The following FRMPD3 variants were observed in gnomAD, a reference collection of about 807,000 sequenced individuals.
FRMPD3 encodes the protein FERM and PDZ domain containing 3, also known as FERM and PDZ domain-containing protein 3.
A neutral mutation model predicts 97.9 loss-of-function variants in FRMPD3; 42 were observed. That is an observed-to-expected ratio of 0.43 (90% CI 0.34 to 0.55). FRMPD3 has a LOEUF of 0.55. Ranked by LOEUF, FRMPD3 falls within the 20% of genes least tolerant of loss-of-function variation. FRMPD3 has a pLI of 0.03. For synonymous variants in FRMPD3, 577 were observed against 581.1 expected (o/e 0.99, Z 0.10); for missense variants, 1,303 against 1,457.7 (o/e 0.89, Z 1.73).
chrX:107,529,194 G>A (rs1275260313), intron 2 of FRMPD3, among the ~76,000 whole-genome samples: 1 of 112,038 alleles, frequency 8.9e-6, no homozygotes, highest in African/African-American at 3.2e-5. Context: ...AACATCAGAA[G>A]CAGCATAGCC....
chrX:107,565,776 A>C (rs1187861046), intron 12 of FRMPD3, among the ~76,000 whole-genome samples: 3 of 112,124 alleles, frequency 2.7e-5, no homozygotes, highest in Non-Finnish European at 3.8e-5. Flanking sequence ...CATGTGGAAC[A>C]CTGGGGTAAA....
chrX:107,505,438 CA>C (rs1181026913), intron 1 of FRMPD3, among the ~76,000 whole-genome samples: 1 of 112,208 alleles, frequency 8.9e-6, no homozygotes, highest in Non-Finnish European at 1.9e-5. Flanking sequence ...GCTTCTAGCA[CA>C]GTGCCTAGCG....
chrX:107,600,642 A>G lies in FRMPD3; in HGVS notation c.2603A>G (p.Gln868Arg), dbSNP rs993291079. 1 of 1,207,240 alleles carries G rather than the reference A, an allele frequency of 8.3e-7. No homozygotes were observed. ...CTGCCCCAGTCAGAGGGCCAGGTAC[A>G]GGGAGAACGAACATACTCCTTGGCA... ...RKLPQSEGQV[Q>R]GERTYSLAVH... is the part of the protein sequence containing the mutation. The change falls in exon 15 of 15, where the codon CAG (glutamine) becomes CGG (arginine). Residue 868 changes from glutamine (Q) to arginine (R), a missense_variant. By Grantham distance (43) the Gln-to-Arg change is conservative (BLOSUM62 1). This residue lies in a region of FRMPD3 where 764 missense variants were observed against 820.2 expected (regional missense o/e 0.93). Transcript: ENST00000683843.
At chrX:107,475,823 T>C (rs1921183714) in intron 1 of FRMPD3, among the ~76,000 whole-genome samples, 1 of 112,621 alleles carries the variant, frequency 8.9e-6, no homozygotes, top group Non-Finnish European at 1.9e-5. Context: ...TTTTGGGCAG[T>C]GGTTTATCAT....
intron 1 of FRMPD3, among the ~76,000 whole-genome samples, chrX:107,516,098 T>C (rs12835415): frequency 1.0e-5 from 1 of 99,555 alleles, no homozygotes; most frequent in Admixed American, 1.1e-4. Flanking sequence ...ATTGTTCAAT[T>C]CCCACCTATG....
intron 4 of FRMPD3, among the ~76,000 whole-genome samples, chrX:107,541,480 A>G (rs750579437): frequency 8.9e-6 from 1 of 112,719 alleles, no homozygotes; most frequent in Non-Finnish European, 1.9e-5. Context: ...ACTGAAGTAT[A>G]AACAAGCTGA....
intron 12 of FRMPD3, among the ~76,000 whole-genome samples, chrX:107,566,058 A>G (rs763951219): frequency 8.9e-6 from 1 of 112,638 alleles, no homozygotes; most frequent in South Asian, 3.6e-4. Context: ...ATTCATTCCC[A>G]TAGATCAACT....
chrX:107,521,092 T>C (rs1391130503), intron 1 of FRMPD3, among the ~76,000 whole-genome samples: 3 of 112,286 alleles, frequency 2.7e-5, no homozygotes, highest in Admixed American at 9.5e-5. Context: ...TTCTCTCTAC[T>C]TTTCCTCAGT....
intron 1 of FRMPD3, among the ~76,000 whole-genome samples, chrX:107,451,165 T>A (rs1021838584): frequency 8.9e-6 from 1 of 111,811 alleles, no homozygotes; most frequent in African/African-American, 3.3e-5. Flanking sequence ...GACCTGCCCC[T>A]CCCCTTGGCA....
chrX:107,501,353 ATTTTTTTTTTTT>A (rs1180253334), intron 1 of FRMPD3, among the ~76,000 whole-genome samples: 4 of 44,728 alleles, frequency 8.9e-5, no homozygotes, highest in South Asian at 1.3e-3. Context: ...CTTGTCTCCT[ATTTTTTTTTTTT>A]TTTTTTTTTT....
intron 1 of FRMPD3, among the ~76,000 whole-genome samples, chrX:107,505,290 A>C (rs912435758): frequency 8.9e-6 from 1 of 112,314 alleles, no homozygotes; most frequent in East Asian, 2.8e-4. Flanking sequence ...TGAAGTCCCC[A>C]AAGGATACAT....
chrX:107,518,378 T>A (rs993004617), intron 1 of FRMPD3, among the ~76,000 whole-genome samples: 1 of 111,306 alleles, frequency 9.0e-6, no homozygotes, highest in Non-Finnish European at 1.9e-5. Context: ...ATATTGGGCA[T>A]TGAGATTTGG....
In FRMPD3 at chrX:107,604,115, C is replaced by T. The variant is rs1307940884; in HGVS notation, c.*742C>T. On this transcript the variant is annotated 3_prime_UTR_variant, in exon 15 of 15. Coordinates refer to ENST00000683843, the MANE Select transcript of FRMPD3 (RefSeq NM_001388459.1). ...ACCCCACTCATTTTGGGTAAGGTAC[C>T]TGATGAAAACGTCTGCCTGGGGAGA... The T allele has an allele frequency of 1.8e-5, 2 of 108,799 alleles. No individual in the cohort carries two copies. The highest frequency in any genetic ancestry group is 3.8e-5 in the Non-Finnish European group (2 of 52,254). 9.0% of individuals were successfully genotyped at this position (108,799 alleles called of 1,213,427 possible). A position where few individuals can be genotyped will look rare whatever the true frequency, so the allele number is the denominator to read the frequency against.
intron 1 of FRMPD3, among the ~76,000 whole-genome samples, chrX:107,523,999 C>G (rs1044740269): frequency 8.0e-5 from 9 of 112,468 alleles, no homozygotes; most frequent in Non-Finnish European, 1.7e-4. Context: ...TGTCTGTCTT[C>G]CTTGCCGGAG....
At chrX:107,518,662 G>A (rs1185896619) in intron 1 of FRMPD3, among the ~76,000 whole-genome samples, 3 of 112,378 alleles carry the variant, frequency 2.7e-5, no homozygotes, top group African/African-American at 9.7e-5. Flanking sequence ...TACAGCTGCT[G>A]TGGAAAACAG....
chrX:107,517,872 G>A (rs1419226703), intron 1 of FRMPD3, among the ~76,000 whole-genome samples: 2 of 107,049 alleles, frequency 1.9e-5, no homozygotes, highest in Non-Finnish European at 3.9e-5. Context: ...GAGATAAATG[G>A]CCAGACAGAA....
At chrX:107,450,224 C>A (rs1279331286) in intron 1 of FRMPD3, among the ~76,000 whole-genome samples, 2 of 111,306 alleles carry the variant, frequency 1.8e-5, no homozygotes, top group Non-Finnish European at 3.8e-5. Flanking sequence ...CCCGGCGAGT[C>A]TCTGGCTTGG....
intron 1 of FRMPD3, among the ~76,000 whole-genome samples, chrX:107,512,709 G>T (rs1482126236): frequency 8.9e-6 from 1 of 112,035 alleles, no homozygotes; most frequent in East Asian, 2.8e-4. Flanking sequence ...GGGCTGGGGT[G>T]CCCAGGGCTC....
intron 13 of FRMPD3, among the ~76,000 whole-genome samples, chrX:107,580,374 T>C (rs1227912930): frequency 1.8e-5 from 2 of 111,707 alleles, no homozygotes; most frequent in African/African-American, 6.5e-5. Context: ...AGGAGGAGAT[T>C]TGGGATTCTT....
Sources: allele counts gnomAD v4.1 joint callset (sites outside exome capture counted in the v4.1 genomes callset), GRCh38; gene constraint gnomAD v4.1.1; regional missense constraint gnomAD v4.1.1; transcripts MANE v1.5; gene names NCBI Gene and HGNC (gene_info 2026-07-23, HGNC 2026-07-21).